The following HEMK2 variants were observed in gnomAD, a reference collection of about 807,000 sequenced individuals.
The protein encoded by HEMK2 is methyltransferase HEMK2.
the HEMK2 span, among the ~76,000 whole-genome samples, chr21:28,724,627 C>T: frequency 1.3e-5 from 2 of 152,134 alleles, no homozygotes; most frequent in Non-Finnish European, 2.9e-5. Flanking sequence ...AACAGAGCGC[C>T]AGCAAATTTC....
the HEMK2 span, among the ~76,000 whole-genome samples, chr21:28,672,796 T>G: frequency 6.6e-6 from 1 of 152,152 alleles, no homozygotes; most frequent in African/African-American, 2.4e-5. Context: ...CTTGTTTTAA[T>G]TTAAAAATTA....
chr21:28,835,144 C>T, the HEMK2 span, among the ~76,000 whole-genome samples: 2 of 152,118 alleles, frequency 1.3e-5, no homozygotes, highest in Non-Finnish European at 2.9e-5. Context: ...ACTACTACAG[C>T]TAATGCTGTC....
chr21:28,633,953 C>G, the HEMK2 span, among the ~76,000 whole-genome samples: 1 of 152,108 alleles, frequency 6.6e-6, no homozygotes, highest in African/African-American at 2.4e-5. Flanking sequence ...GTGCTGGGCC[C>G]AATGGAACAG....
the HEMK2 span, among the ~76,000 whole-genome samples, chr21:28,862,231 G>A: frequency 1.3e-5 from 2 of 152,200 alleles, no homozygotes; most frequent in Non-Finnish European, 2.9e-5. Flanking sequence ...ATCCAGGCAG[G>A]ACTACAAATG....
chr21:28,620,401 C>A, the HEMK2 span, among the ~76,000 whole-genome samples: 1 of 151,788 alleles, frequency 6.6e-6, no homozygotes, highest in African/African-American at 2.4e-5. Flanking sequence ...TGGTCCTGGG[C>A]TTTTTTTGGT....
chr21:28,744,473 C>G, the HEMK2 span, among the ~76,000 whole-genome samples: 2 of 152,070 alleles, frequency 1.3e-5, no homozygotes, highest in East Asian at 3.9e-4. Context: ...AGGGTAGAAC[C>G]TTAAGTAGTT....
chr21:28,779,149 T>C, the HEMK2 span, among the ~76,000 whole-genome samples: 4 of 152,188 alleles, frequency 2.6e-5, no homozygotes, highest in Non-Finnish European at 4.4e-5. Context: ...GTTAAAGAGA[T>C]AGCTTCCACT....
the HEMK2 span, among the ~76,000 whole-genome samples, chr21:28,783,261 T>C: frequency 6.6e-6 from 1 of 152,150 alleles, no homozygotes; most frequent in South Asian, 2.1e-4. Flanking sequence ...CCCAGATCAC[T>C]GCAACCTCTG....
At chr21:28,617,547 C>T in the HEMK2 span, among the ~76,000 whole-genome samples, 1 of 152,198 alleles carries the variant, frequency 6.6e-6, no homozygotes, top group African/African-American at 2.4e-5. Flanking sequence ...GTTCTCTCAG[C>T]TCTACAAAGC....
the HEMK2 span, among the ~76,000 whole-genome samples, chr21:28,654,589 T>A: frequency 8.5e-5 from 13 of 152,246 alleles, no homozygotes; most frequent in East Asian, 2.5e-3. Flanking sequence ...GAGTTTCTAC[T>A]GTCTCGAAAA....
the HEMK2 span, among the ~76,000 whole-genome samples, chr21:28,816,335 T>C: frequency 6.6e-6 from 1 of 152,178 alleles, no homozygotes; most frequent in Non-Finnish European, 1.5e-5. Context: ...TTAATTTGTG[T>C]CAAGATCTAT....
chr21:28,780,660 T>G, the HEMK2 span, among the ~76,000 whole-genome samples: 2 of 152,214 alleles, frequency 1.3e-5, no homozygotes, highest in Non-Finnish European at 2.9e-5. Context: ...GGGACCACCA[T>G]AATAGTGAAC....
At chr21:28,643,938 A>C in the HEMK2 span, among the ~76,000 whole-genome samples, 1 of 152,176 alleles carries the variant, frequency 6.6e-6, no homozygotes. Context: ...CTCTACATTA[A>C]GCCAGTGATA....
At chr21:28,824,394 C>T in the HEMK2 span, among the ~76,000 whole-genome samples, 1 of 152,134 alleles carries the variant, frequency 6.6e-6, no homozygotes, top group African/African-American at 2.4e-5. Context: ...TTCATGTTCT[C>T]TTTGAAAAGT....
chr21:28,871,779 G>C, the HEMK2 span, among the ~76,000 whole-genome samples: 3 of 152,176 alleles, frequency 2.0e-5, no homozygotes, highest in African/African-American at 7.2e-5. Flanking sequence ...AGCCTTGAAG[G>C]AAGAATCCTT....
chr21:28,758,339 G>A, the HEMK2 span, among the ~76,000 whole-genome samples: 1 of 152,198 alleles, frequency 6.6e-6, no homozygotes, highest in Non-Finnish European at 1.5e-5. Flanking sequence ...GGGACAAAAA[G>A]AGAAAGTCAA....
the HEMK2 span, among the ~76,000 whole-genome samples, chr21:28,774,561 C>G: frequency 4.6e-5 from 7 of 151,906 alleles, no homozygotes; most frequent in South Asian, 2.1e-4. Context: ...GTACTCCAGC[C>G]TGGGTGACAA....
the HEMK2 span, among the ~76,000 whole-genome samples, chr21:28,713,670 C>G: frequency 6.6e-6 from 1 of 152,178 alleles, no homozygotes; most frequent in African/African-American, 2.4e-5. Flanking sequence ...CAAACCAGGT[C>G]TCCCTATTGG....
At chr21:28,592,208 A>C in the HEMK2 span, among the ~76,000 whole-genome samples, 1 of 152,142 alleles carries the variant, frequency 6.6e-6, no homozygotes, top group African/African-American at 2.4e-5. Flanking sequence ...CCTCACCAGC[A>C]CCTGTTATTT....
Sources: allele counts gnomAD v4.1 joint callset (sites outside exome capture counted in the v4.1 genomes callset), GRCh38; gene constraint gnomAD v4.1.1; transcripts MANE v1.5; gene names NCBI Gene and HGNC (gene_info 2026-07-23, HGNC 2026-07-21).